Variants in CRYBG1 observed in about 807,000 individuals in gnomAD.
CRYBG1 encodes the protein beta/gamma crystallin domain-containing protein 1.
CRYBG1 carries 139 observed loss-of-function variants against 189.2 expected under a neutral mutation model. That is an observed-to-expected ratio of 0.73 (90% CI 0.64 to 0.85). The LOEUF is 0.85. CRYBG1 is among the 40% of genes least tolerant of loss of function. The pLI is 0.00. For missense variants in CRYBG1, 2,611 were observed against 2,675.8 expected, an observed-to-expected ratio of 0.98 and a Z score of 0.53; for synonymous variants, 1,023 against 1,017.1, an observed-to-expected ratio of 1.01 and a Z score of -0.11.
At chr6:106,416,998 A>ATTT (rs1771033465) in intron 1 of CRYBG1, among the ~76,000 whole-genome samples, 1 of 63,428 alleles carries the variant, frequency 1.6e-5, no homozygotes, top group African/African-American at 6.8e-5. Context: ...GATGGGATTT[A>ATTT]CTTTTTTTTT....
At chr6:106,496,131 A>G (rs1202621634) in intron 2 of CRYBG1, among the ~76,000 whole-genome samples, 1 of 152,228 alleles carries the variant, frequency 6.6e-6, no homozygotes, top group Non-Finnish European at 1.5e-5. Flanking sequence ...ACAAAAATTT[A>G]TTGGAGACAC....
intron 9 of CRYBG1, chr6:106,541,035 C>T (rs1774117239): frequency 4.0e-6 from 1 of 248,084 alleles, no homozygotes; most frequent in East Asian, 1.0e-4. Flanking sequence ...CCATGAGTCC[C>T]CCAGATCTTA....
chr6:106,537,990 A>G (rs1038793873), intron 8 of CRYBG1, among the ~76,000 whole-genome samples: 1 of 152,202 alleles, frequency 6.6e-6, no homozygotes, highest in Non-Finnish European at 1.5e-5. Flanking sequence ...AGAAAAAAGC[A>G]AAGAGGGAGG....
chr6:106,474,366 G>A (rs945335956), intron 2 of CRYBG1, among the ~76,000 whole-genome samples: 8 of 152,038 alleles, frequency 5.3e-5, no homozygotes, highest in Non-Finnish European at 1.2e-4. Flanking sequence ...ATAATAATCA[G>A]TATTTTGTTG....
intron 3 of CRYBG1, among the ~76,000 whole-genome samples, chr6:106,518,153 T>G (rs550354393): frequency 6.8e-6 from 1 of 146,388 alleles, no homozygotes; most frequent in South Asian, 2.3e-4. Context: ...ATAATCTCAA[T>G]TCTATTCAAA....
At chr6:106,551,744 A>C in intron 13 of CRYBG1, 108 bp from the exon 14 acceptor site, 1 of 1,296,016 alleles carries the variant, frequency 7.7e-7, no homozygotes, top group Non-Finnish European at 1.1e-6. Context: ...TTAAAATTTC[A>C]ATTGGCAAAA....
chr6:106,558,920 G>A (rs540640226), intron 18 of CRYBG1, among the ~76,000 whole-genome samples: 14 of 152,084 alleles, frequency 9.2e-5, no homozygotes, highest in Non-Finnish European at 1.5e-4. Flanking sequence ...CCGTGTTCAC[G>A]CCACTGTACT....
chr6:106,551,817 A>G (rs1334116879), intron 13 of CRYBG1, 35 bp from the exon 14 acceptor site: 1 of 1,599,464 alleles, frequency 6.3e-7, no homozygotes, highest in Non-Finnish European at 8.5e-7. Context: ...TATGTAAAAT[A>G]TGAACTCCAA....
intron 2 of CRYBG1, among the ~76,000 whole-genome samples, chr6:106,491,880 G>A (rs576465705): frequency 6.4e-4 from 98 of 152,064 alleles, no homozygotes; most frequent in African/African-American, 2.3e-3. Flanking sequence ...TTCCCCAAAC[G>A]AGATCAATCA....
chr6:106,566,799 C>T (rs1229293168), intron 21 of CRYBG1, among the ~76,000 whole-genome samples: 1 of 152,076 alleles, frequency 6.6e-6, no homozygotes, highest in East Asian at 1.9e-4. Context: ...ACTAGCAGAC[C>T]ATGATTTCCA....
chr6:106,425,880 C>T (rs1377839331), intron 1 of CRYBG1, among the ~76,000 whole-genome samples: 13 of 152,154 alleles, frequency 8.5e-5, no homozygotes, highest in Admixed American at 6.5e-5. Flanking sequence ...TCAGGTGATC[C>T]ACCTGCCTCA....
At position 106,361,257 on chromosome 6, in the gene CRYBG1, G is replaced by A. The variant is rs145318639; in HGVS notation, c.173+176G>A. Among the ~76,000 whole-genome samples the A allele has an allele frequency of 1.1e-4, 16 of 152,332 alleles. No individual in the cohort carries two copies. In the East Asian group the frequency reaches 2.7e-3, roughly 26 times the overall value. ...AGCGATCGTAGCCGCTGGGGTTGACGAGGTTCCTCGCGGCTTTTGGTTCAG... is the reference window on the plus strand; with the variant it reads ...AGCGATCGTAGCCGCTGGGGTTGACAAGGTTCCTCGCGGCTTTTGGTTCAG... On this transcript the variant is annotated intron_variant, in intron 1 of 21. Transcript: ENST00000633556.
rs140407193 is a variant in CRYBG1 at position 106,564,391 on chromosome 6, T to C, written c.6301+465T>C. On this transcript the variant is annotated intron_variant, in intron 21 of 21. Transcript: ENST00000633556. ...CTCATGTATACACGTGACCTTTCAT[T>C]GAAAAGATCTAAGATCTCAAAGGAA... 2.7e-3 allele frequency among the ~76,000 whole-genome samples: 412 copies of C among 152,340 alleles called. 2 individuals are homozygous for C. The highest frequency in any genetic ancestry group is 9.6e-3 in the African/African-American group (401 of 41,566).
chr6:106,490,903 A>C (rs1055576836), intron 2 of CRYBG1, among the ~76,000 whole-genome samples: 3 of 152,198 alleles, frequency 2.0e-5, no homozygotes, highest in Non-Finnish European at 4.4e-5. Context: ...ACTTCAAAAA[A>C]ATGTGTCCTC....
intron 2 of CRYBG1, among the ~76,000 whole-genome samples, chr6:106,459,400 CA>C (rs34355315): frequency 2.0e-5 from 3 of 149,308 alleles, no homozygotes; most frequent in Admixed American, 6.6e-5. Context: ...TAGCTTGCTG[CA>C]AAAAAAAATT....
intron 1 of CRYBG1, among the ~76,000 whole-genome samples, chr6:106,421,608 C>T (rs1340377147): frequency 6.6e-6 from 1 of 152,058 alleles, no homozygotes; most frequent in Non-Finnish European, 1.5e-5. Flanking sequence ...GTCATTTGGA[C>T]CCTGTCTCAG....
At chr6:106,495,820 A>T (rs1173220649) in intron 2 of CRYBG1, among the ~76,000 whole-genome samples, 1 of 7,596 alleles carries the variant, frequency 1.3e-4, no homozygotes, top group Admixed American at 1.3e-3. Context: ...TTCCTTGAGT[A>T]AAAAAAAAAA....
intron 13 of CRYBG1, among the ~76,000 whole-genome samples, chr6:106,546,244 G>C (rs757515257): frequency 6.6e-6 from 1 of 152,240 alleles, no homozygotes; most frequent in African/African-American, 2.4e-5. Flanking sequence ...AAAAACAGCA[G>C]ATGGCTGTTA....
At chr6:106,543,699 A>G in intron 11 of CRYBG1, 102 bp downstream of exon 11, 4 of 1,300,294 alleles carry the variant, frequency 3.1e-6, no homozygotes, top group Non-Finnish European at 3.2e-6. Context: ...ATTCTATAGT[A>G]TGGTGAATTT....
Sources: allele counts gnomAD v4.1 joint callset (sites outside exome capture counted in the v4.1 genomes callset), GRCh38; gene constraint gnomAD v4.1.1; transcripts MANE v1.5; gene names NCBI Gene and HGNC (gene_info 2026-07-23, HGNC 2026-07-21).